The following SLC36A2 variants were observed in gnomAD, a reference collection of about 807,000 sequenced individuals.
SLC36A2 encodes proton-coupled amino acid transporter 2.
Under a neutral mutation model 42.7 loss-of-function variants are expected in SLC36A2, and 39 were observed. The observed-to-expected ratio is 0.91, with a 90% CI of 0.71 to 1.19. The LOEUF (loss-of-function observed/expected upper bound fraction) is 1.19, where lower values mean the gene tolerates loss of function less well. Among genes scored for constraint, SLC36A2 ranks in the 50% most tolerant of loss-of-function variants. SLC36A2 has a pLI of 0.00. For missense variants in SLC36A2, 590 were observed against 613.7 expected, an observed-to-expected ratio of 0.96 and a Z score of 0.41; for synonymous variants, 237 against 240.8, an observed-to-expected ratio of 0.98 and a Z score of 0.15.
chr5:151,326,404 C>G (rs1296381794), intron 7 of SLC36A2, among the ~76,000 whole-genome samples: 1 of 152,188 alleles, frequency 6.6e-6, no homozygotes, highest in African/African-American at 2.4e-5. Flanking sequence ...CCTCCGCCAA[C>G]CCCATCACTG....
At chr5:151,329,053 G>T (rs914839840) in intron 7 of SLC36A2, among the ~76,000 whole-genome samples, 8 of 152,198 alleles carry the variant, frequency 5.3e-5, no homozygotes, top group African/African-American at 1.9e-4. Context: ...ACACAGAGAA[G>T]AGGAAACTGG....
At chr5:151,347,026 C>G (rs1393582939) in intron 1 of SLC36A2, among the ~76,000 whole-genome samples, 1 of 152,204 alleles carries the variant, frequency 6.6e-6, no homozygotes, top group Non-Finnish European at 1.5e-5. Flanking sequence ...TAGCCCTTAT[C>G]CTGCCAATGA....
chr5:151,331,595 G>T (rs768736310), intron 7 of SLC36A2, among the ~76,000 whole-genome samples: 4 of 151,926 alleles, frequency 2.6e-5, no homozygotes, highest in Non-Finnish European at 4.4e-5. Flanking sequence ...CTGGATTAAA[G>T]GTGTGAGCCA....
chr5:151,325,150 G>A lies in SLC36A2; in HGVS notation c.1010+136C>T, dbSNP rs1476028837. ...CAGGACAGAGAATCTGGAGACCGTGGTTCCAATGACAATTCTGCTTCTTCT... is the reference window on the plus strand; with the variant it reads ...CAGGACAGAGAATCTGGAGACCGTGATTCCAATGACAATTCTGCTTCTTCT... On this transcript the variant is annotated intron_variant, in intron 8 of 9. Coordinates refer to ENST00000335244, the MANE Select transcript of SLC36A2 (RefSeq NM_181776.3). 7.8e-6 allele frequency: 8 copies of A among 1,023,764 alleles called. No homozygotes were observed. In the East Asian group the frequency reaches 2.1e-4, roughly 27 times the overall value. 63.4% of individuals were successfully genotyped at this position (1,023,764 alleles called of 1,614,324 possible).
At chr5:151,323,303 T>G (rs1755753989) in intron 8 of SLC36A2, among the ~76,000 whole-genome samples, 1 of 151,348 alleles carries the variant, frequency 6.6e-6, no homozygotes, top group Admixed American at 6.6e-5. Context: ...GTGTGTGTGT[T>G]TAGCCCATTC....
intron 3 of SLC36A2, 30 bp from the exon 4 acceptor site, chr5:151,343,013 A>G (rs1362045099): frequency 6.4e-7 from 1 of 1,573,832 alleles, no homozygotes; most frequent in East Asian, 2.2e-5. Flanking sequence ...AACGGTTTCC[A>G]AGAGATAGTT....
chr5:151,332,506 C>G, intron 7 of SLC36A2: 2 of 450,282 alleles, frequency 4.4e-6, no homozygotes, highest in East Asian at 1.4e-4. Flanking sequence ...AGCTGTGGTA[C>G]TGCCCAGACA....
rs1755481303 is a variant in SLC36A2, at chr5:151,316,007, C to T, written c.*810G>A. The stretch of plus-strand genomic sequence containing the variant: ...TCCTTTCTATCTGAGAGTTTTCACA[C>T]TGGTCATCTTGGCCCTACCCATCTC... On this transcript the variant is annotated 3_prime_UTR_variant, in exon 10 of 10. Coordinates refer to ENST00000335244, the MANE Select transcript of SLC36A2 (RefSeq NM_181776.3). The T allele has an allele frequency of 6.6e-6, 1 of 152,220 alleles. No homozygotes were observed. The highest frequency in any genetic ancestry group is 2.4e-5 in the African/African-American group (1 of 41,442). The allele number at this position is 152,220 out of a possible 1,614,324, so 9.4% of individuals were successfully genotyped here. A position where few individuals can be genotyped will look rare whatever the true frequency, so the allele number is the denominator to read the frequency against.
intron 7 of SLC36A2, among the ~76,000 whole-genome samples, chr5:151,326,398 C>G (rs896920872): frequency 1.3e-5 from 2 of 152,156 alleles, no homozygotes; most frequent in East Asian, 3.9e-4. Context: ...AGACTCCCTC[C>G]GCCAACCCCA....
At position 151,335,539 on chromosome 5, in the gene SLC36A2, T is replaced by G; in HGVS notation, c.534A>C (p.Glu178Asp). The G allele has an allele frequency of 6.2e-7, 1 of 1,613,128 alleles. No individual in the cohort carries two copies. Among genetic ancestry groups the G allele is most frequent in the Non-Finnish European group, 8.5e-7 (1 of 1,179,116 alleles). Residue 178 changes from glutamate to aspartate, a missense_variant, in exon 6 of 10, where the codon GAA becomes GAC. Transcript: ENST00000335244. ...FLADNLKQVV[E>D]AVNSTTNNCY... ...AGTTGTTGGTTGTGCTATTAACAGC[T>G]TCCACTACCTGAGGAAGGAATGGGA...
intron 7 of SLC36A2, among the ~76,000 whole-genome samples, chr5:151,326,317 C>T (rs1580848694): frequency 2.6e-5 from 4 of 152,284 alleles, no homozygotes; most frequent in South Asian, 4.1e-4. Context: ...CACCTCCCCT[C>T]ACCCCCACCT....
At chr5:151,319,877 T>C (rs1755632930) in intron 9 of SLC36A2, 1 of 152,240 alleles carries the variant, frequency 6.6e-6, no homozygotes, top group South Asian at 2.1e-4. Context: ...GAAAAGGCAT[T>C]AAATGATTTC....
rs773221266 is a variant in SLC36A2 at position 151,322,197 on chromosome 5, C to T, written c.1029G>A (p.Lys343=). 3.1e-6 allele frequency: 5 copies of T among 1,614,132 alleles called. No homozygotes were observed. The highest frequency in any genetic ancestry group is 4.2e-6 in the Non-Finnish European group (5 of 1,180,002). The change falls in exon 9 of 10, where the codon AAG becomes AAA. Residue 343 remains lysine (K), a synonymous_variant. Transcript: ENST00000335244. ...ACAGGATGCCGGCAATGTAGAGAAG[C>T]TTGACAGACTGGTACAGCCTGCAAG... is the stretch of plus-strand genomic sequence containing the variant. ...LPNCWLYQSV[K]LLYIAGILCT...
intron 6 of SLC36A2, among the ~76,000 whole-genome samples, chr5:151,334,665 T>C (rs1434317895): frequency 1.3e-5 from 2 of 150,984 alleles, no homozygotes; most frequent in Admixed American, 1.3e-4. Context: ...CACTCCAGCC[T>C]GGGTGAAAGA....
At chr5:151,328,251 G>A (rs773942390) in intron 7 of SLC36A2, among the ~76,000 whole-genome samples, 4 of 152,152 alleles carry the variant, frequency 2.6e-5, no homozygotes, top group Non-Finnish European at 5.9e-5. Flanking sequence ...ACTAAAAATC[G>A]TGGATGAAAT....
rs374183052 is a variant in SLC36A2 at position 151,339,065 on chromosome 5, T to A, written c.520A>T (p.Lys174Ter). The A allele has an allele frequency of 1.2e-6, 2 of 1,609,224 alleles. No homozygotes were observed. Among genetic ancestry groups the A allele is most frequent in the Non-Finnish European group, 1.7e-6 (2 of 1,176,676 alleles). Reference sequence around the variant, plus strand: ...TTTTCTCTAGAAGCCTCTACCTGTTTTAAATTATCAGCCAAAAACACAATG... The same window carrying A: ...TTTTCTCTAGAAGCCTCTACCTGTTATAAATTATCAGCCAAAAACACAATG... ...VYIVFLADNLKQVVEAVNSTT... is the reference protein window; with the variant it reads ...VYIVFLADNL Residue 174 changes from lysine to a stop codon, truncating the protein, a stop_gained, in exon 5 of 10, where the codon AAA becomes TAA. Transcript: ENST00000335244. LOFTEE classifies it high-confidence loss of function.
At chr5:151,322,360 C>G (rs776683768) in intron 8 of SLC36A2, 145 bp from the exon 9 acceptor site, 15 of 924,814 alleles carry the variant, frequency 1.6e-5, no homozygotes, top group Non-Finnish European at 2.2e-5. Flanking sequence ...TTCTAAGAAT[C>G]AAGAGGGAGT....
chr5:151,323,264 T>TAAAC (rs1755750816), intron 8 of SLC36A2, among the ~76,000 whole-genome samples: 2 of 149,104 alleles, frequency 1.3e-5, no homozygotes, highest in South Asian at 4.2e-4. Flanking sequence ...GATAAATAAA[T>TAAAC]AAATAAATAA....
chr5:151,326,451 G>T (rs545548023), intron 7 of SLC36A2, among the ~76,000 whole-genome samples: 87 of 152,310 alleles, frequency 5.7e-4, no homozygotes, highest in African/African-American at 2.0e-3. Flanking sequence ...AACACAGGGT[G>T]CTGGTGGCAG....
Sources: allele counts gnomAD v4.1 joint callset (sites outside exome capture counted in the v4.1 genomes callset), GRCh38; gene constraint gnomAD v4.1.1; transcripts MANE v1.5; gene names NCBI Gene and HGNC (gene_info 2026-07-23, HGNC 2026-07-21).